RAD23B: variants seen among roughly 807,000 people sequenced by gnomAD.
RAD23B encodes RAD23 nucleotide excision repair protein B, also known as lysine-specific demethylase RAD23B.
A neutral mutation model predicts 49.1 loss-of-function variants in RAD23B; 5 were observed. The observed-to-expected ratio is 0.10, with a 90% CI of 0.05 to 0.21. RAD23B has a LOEUF of 0.21. Among genes scored for constraint, RAD23B ranks in the 10% least tolerant of loss-of-function variants. The pLI is 1.00. For missense variants in RAD23B, 356 were observed against 486.7 expected, an observed-to-expected ratio of 0.73 and a Z score of 2.53; for synonymous variants, 184 against 165.4, an observed-to-expected ratio of 1.11 and a Z score of -0.86.
chr9:107,301,462 C>G (rs1826650953), intron 2 of RAD23B, among the ~76,000 whole-genome samples: 1 of 152,110 alleles, frequency 6.6e-6, no homozygotes, highest in African/African-American at 2.4e-5. Flanking sequence ...TTTATATAAT[C>G]AATACATTTG....
chr9:107,323,552 A>G (rs1233862467), intron 7 of RAD23B, among the ~76,000 whole-genome samples: 1 of 152,132 alleles, frequency 6.6e-6, no homozygotes, highest in Admixed American at 6.6e-5. Flanking sequence ...AACAGGAACA[A>G]CTTTTAGTAC....
chr9:107,297,106 C>T (rs1379628429), intron 1 of RAD23B, among the ~76,000 whole-genome samples: 2 of 151,998 alleles, frequency 1.3e-5, no homozygotes, highest in East Asian at 1.9e-4. Flanking sequence ...CCCGCCTTGG[C>T]CTCCCAAAGT....
rs780308925 is a variant in RAD23B at position 107,306,466 on chromosome 9, A to G, written c.316A>G (p.Thr106Ala). 18 of 1,613,916 alleles carry G rather than the reference A, an allele frequency of 1.1e-5. No individual in the cohort carries two copies. The highest frequency in any genetic ancestry group is 5.3e-5 in the African/African-American group (4 of 74,858). The change falls in exon 4 of 10, where the codon ACT becomes GCT. Residue 106 changes from threonine to alanine, a missense_variant. By Grantham distance (58) the Thr-to-Ala change is moderately conservative. Transcript: ENST00000358015. ...TTAVTSSTTT[T>A]VAQAPTPVPA... is the part of the protein sequence containing the mutation. Reference sequence around the variant, plus strand: ...AGCAGTTACTTCCTCCACCACCACAACTGTGGCTCAGGCTCCAACCCCTGT... The same window carrying G: ...AGCAGTTACTTCCTCCACCACCACAGCTGTGGCTCAGGCTCCAACCCCTGT...
At chr9:107,284,072 G>T in intron 1 of RAD23B, 2 of 1,013,722 alleles carry the variant, frequency 2.0e-6, no homozygotes, top group Non-Finnish European at 2.4e-6. Flanking sequence ...GGGAGACGTA[G>T]GCGTCGCCAC....
chr9:107,283,618 C>CA lies in RAD23B; in HGVS notation c.-12_-11insA. The CA allele has an allele frequency of 6.8e-7, 1 of 1,472,898 alleles. No individual in the cohort carries two copies. The highest frequency in any genetic ancestry group is 3.1e-5 in the East Asian group (1 of 31,882). 91.2% of individuals were successfully genotyped at this position (1,472,898 alleles called of 1,614,324 possible). A position where few individuals can be genotyped will look rare whatever the true frequency, so the allele number is the denominator to read the frequency against. ...CGGCGCAGGCCCGGCAGCCGAGCTG[C>CA]GCGGCGGCACCATGCAGGTCACCCT... is the stretch of plus-strand genomic sequence containing the variant. On this transcript the variant is annotated 5_prime_UTR_variant, in exon 1 of 10. Coordinates refer to ENST00000358015, the MANE Select transcript of RAD23B (RefSeq NM_002874.5).
At chr9:107,296,593 G>C (rs1826525803) in intron 1 of RAD23B, among the ~76,000 whole-genome samples, 3 of 151,514 alleles carry the variant, frequency 2.0e-5, no homozygotes, top group African/African-American at 7.3e-5. Context: ...TCTTGAGACA[G>C]TCTCATTCTG....
intron 5 of RAD23B, among the ~76,000 whole-genome samples, chr9:107,316,118 T>C (rs1056222131): frequency 6.6e-6 from 1 of 152,034 alleles, no homozygotes; most frequent in Non-Finnish European, 1.5e-5. Context: ...CAAGCAATTC[T>C]CCTGCCTCAG....
intron 5 of RAD23B, among the ~76,000 whole-genome samples, chr9:107,317,115 TGTGTG>T (rs1827014432): frequency 1.3e-5 from 2 of 151,958 alleles, no homozygotes; most frequent in East Asian, 3.9e-4. Context: ...TGTGTGTGTG[TGTGTG>T]TTTACTTGAC....
At chr9:107,312,702 T>G (rs556969433) in intron 5 of RAD23B, among the ~76,000 whole-genome samples, 19 of 152,326 alleles carry the variant, frequency 1.2e-4, no homozygotes, top group African/African-American at 4.3e-4. Flanking sequence ...GAAACCACTC[T>G]ATTTCAAAGA....
chr9:107,304,638 C>T (rs1826722628), intron 3 of RAD23B, among the ~76,000 whole-genome samples: 1 of 152,172 alleles, frequency 6.6e-6, no homozygotes, highest in Non-Finnish European at 1.5e-5. Flanking sequence ...TTTGTTTATG[C>T]CTGTGGCAAA....
At chr9:107,284,852 T>G (rs547590882) in intron 1 of RAD23B, 1 of 1,228,702 alleles carries the variant, frequency 8.1e-7, no homozygotes, top group Non-Finnish European at 1.1e-6. Flanking sequence ...CAAATTACGG[T>G]TAGTTTCATT....
Position 107,306,411 on chromosome 9 carries a change from A to G in RAD23B, c.261A>G (p.Thr87=). 1 of 1,614,174 alleles carries G rather than the reference A, an allele frequency of 6.2e-7. No homozygotes were observed. The highest frequency in any genetic ancestry group is 1.1e-5 in the South Asian group (1 of 91,080). Residue 87 remains threonine (T), a synonymous_variant, in exon 4 of 10, where the codon ACA becomes ACG. Coordinates refer to ENST00000358015, the MANE Select transcript of RAD23B (RefSeq NM_002874.5). ...PKAVSTPAPA[T]TQQSAPASTT... ...CAGTGTCCACACCAGCACCAGCTAC[A>G]ACTCAGCAGTCAGCTCCTGCCAGCA... is the stretch of plus-strand genomic sequence containing the variant.
At chr9:107,322,203 C>T (rs1331390937) in intron 7 of RAD23B, 85 bp downstream of exon 7, 18 of 1,415,532 alleles carry the variant, frequency 1.3e-5, no homozygotes, top group Middle Eastern at 1.9e-4. Context: ...TCAGAAATGA[C>T]GTTCATTCCC....
At chr9:107,294,197 C>A (rs139831621) in intron 1 of RAD23B, among the ~76,000 whole-genome samples, 34 of 152,242 alleles carry the variant, frequency 2.2e-4, no homozygotes, top group Non-Finnish European at 3.8e-4. Flanking sequence ...AAAAACCATG[C>A]CCATCATGTT....
intron 1 of RAD23B, among the ~76,000 whole-genome samples, chr9:107,287,118 C>T (rs1472046596): frequency 4.0e-5 from 6 of 150,870 alleles, no homozygotes. Flanking sequence ...GTGTGATGGA[C>T]ATTTAGAGGG....
chr9:107,305,355 TGTAAGTGGATCA>T (rs1394229409), intron 3 of RAD23B, among the ~76,000 whole-genome samples: 1 of 152,098 alleles, frequency 6.6e-6, no homozygotes, highest in Non-Finnish European at 1.5e-5. Flanking sequence ...GTTCATTAAG[TGTAAGTGGATCA>T]TCATAAAGGT....
chr9:107,321,930 A>G, intron 6 of RAD23B, 53 bp from the exon 7 acceptor site: 2 of 1,507,926 alleles, frequency 1.3e-6, no homozygotes, highest in Non-Finnish European at 1.8e-6. Context: ...TACTCTGTAT[A>G]ATATTTAATT....
At position 107,331,543 on chromosome 9, in the gene RAD23B, A is replaced by G. The variant is rs1365073636; in HGVS notation, c.*1887A>G. On this transcript the variant is annotated 3_prime_UTR_variant, in exon 10 of 10. Coordinates refer to ENST00000358015, the MANE Select transcript of RAD23B (RefSeq NM_002874.5). Reference sequence around the variant, plus strand: ...GGATCATGCATAATTTCTCAGGAGAATAAAATGAGAATTCATATATACGTT... The same window carrying G: ...GGATCATGCATAATTTCTCAGGAGAGTAAAATGAGAATTCATATATACGTT... 1 of 623,044 alleles carries G rather than the reference A, an allele frequency of 1.6e-6. No homozygotes were observed. Among genetic ancestry groups the G allele is most frequent in the African/African-American group, 1.8e-5 (1 of 54,224 alleles). 38.6% of individuals were successfully genotyped at this position (623,044 alleles called of 1,614,324 possible). A position where few individuals can be genotyped will look rare whatever the true frequency, so the allele number is the denominator to read the frequency against.
intron 5 of RAD23B, among the ~76,000 whole-genome samples, 179 bp downstream of exon 5, chr9:107,311,916 A>G (rs1826896851): frequency 6.6e-6 from 1 of 152,224 alleles, no homozygotes; most frequent in African/African-American, 2.4e-5. Context: ...ATGTTTATGT[A>G]TTGAGTTCTT....
Sources: gnomAD v4.1 joint callset for allele counts (sites outside exome capture counted in the v4.1 genomes callset) on GRCh38, gnomAD v4.1.1 for gene constraint, MANE v1.5 for transcripts, NCBI Gene and HGNC (gene_info 2026-07-23, HGNC 2026-07-21) for gene names.